LRP1B: variants seen among roughly 807,000 people sequenced by gnomAD.
LRP1B encodes the protein low-density lipoprotein receptor-related protein 1B.
LRP1B carries 217 observed loss-of-function variants against 556.6 expected under a neutral mutation model. The observed-to-expected ratio is 0.39, with a 90% confidence interval of 0.35 to 0.44. The LOEUF (loss-of-function observed/expected upper bound fraction) is 0.44. Ranked by LOEUF, LRP1B falls within the 20% of genes least tolerant of loss-of-function variation. The probability of loss-of-function intolerance (pLI) is 1.00; values close to 1 mark genes in which losing one functional copy is unlikely to be tolerated. For missense variants in LRP1B, 5,053 were observed against 5,620.8 expected, an observed-to-expected ratio of 0.90 and a Z score of 3.23; for synonymous variants, 2,047 against 1,865.8, an observed-to-expected ratio of 1.10 and a Z score of -2.50.
chr2:140,852,468 A>G (rs1692489502), intron 27 of LRP1B, among the ~76,000 whole-genome samples: 1 of 152,180 alleles, frequency 6.6e-6, no homozygotes, highest in African/African-American at 2.4e-5. Context: ...AGATGTTGTT[A>G]TTTTCTTAAC....
chr2:141,419,877 G>A (rs1236130859), intron 3 of LRP1B, among the ~76,000 whole-genome samples: 2 of 151,270 alleles, frequency 1.3e-5, no homozygotes, highest in Non-Finnish European at 2.9e-5. Flanking sequence ...CAGAAAACAT[G>A]CTTGTTATAA....
intron 2 of LRP1B, among the ~76,000 whole-genome samples, chr2:141,651,470 C>T (rs1689789914): frequency 6.6e-6 from 1 of 152,122 alleles, no homozygotes; most frequent in South Asian, 2.1e-4. Context: ...CCAAGATCAG[C>T]CTGGCCGACA....
intron 17 of LRP1B, among the ~76,000 whole-genome samples, chr2:140,984,228 G>T (rs1696854242): frequency 1.3e-5 from 2 of 151,944 alleles, no homozygotes; most frequent in Admixed American, 1.3e-4. Context: ...TCTTTTAAGA[G>T]AAATTTAATA....
At chr2:140,967,230 T>C (rs1006551949) in intron 18 of LRP1B, among the ~76,000 whole-genome samples, 1 of 152,092 alleles carries the variant, frequency 6.6e-6, no homozygotes, top group African/African-American at 2.4e-5. Context: ...GAACAGCGGT[T>C]TGTAGTTCTC....
intron 84 of LRP1B, among the ~76,000 whole-genome samples, chr2:140,287,727 C>T (rs1477136023): frequency 6.6e-6 from 1 of 150,666 alleles, no homozygotes; most frequent in African/African-American, 2.4e-5. Flanking sequence ...GCTTCCTATT[C>T]CCATGGTGCT....
At chr2:141,077,465 G>A (rs755625877) in intron 7 of LRP1B, among the ~76,000 whole-genome samples, 19 of 152,058 alleles carry the variant, frequency 1.2e-4, no homozygotes, top group Non-Finnish European at 2.4e-4. Context: ...CTAATATCAG[G>A]TTCTATGATA....
rs11352164 is a variant in LRP1B, at chr2:140,803,260, GTTT to G, written c.5359+10394_5359+10396del. 2.4e-4 allele frequency among the ~76,000 whole-genome samples: 25 copies of G among 102,242 alleles called. No individual in the cohort carries two copies. In the East Asian group the frequency reaches 3.7e-3, roughly 15 times the overall value. 67.1% of individuals were successfully genotyped at this position (102,242 alleles called of 152,430 possible). A position where few individuals can be genotyped will look rare whatever the true frequency, so the allele number is the denominator to read the frequency against. Reference sequence around the variant, plus strand: ...GTGGTCAGTATTAGTCCTATTGAAAGTTTTTTTTTTTTTTTTTTTTTTTTTTTT... The same window carrying G: ...GTGGTCAGTATTAGTCCTATTGAAAGTTTTTTTTTTTTTTTTTTTTTTTTT... On this transcript the variant is annotated intron_variant, in intron 32 of 90. Transcript: ENST00000389484.
At chr2:140,654,216 C>T (rs1684792313) in intron 41 of LRP1B, among the ~76,000 whole-genome samples, 1 of 151,836 alleles carries the variant, frequency 6.6e-6, no homozygotes, top group South Asian at 2.1e-4. Flanking sequence ...CTTTACCATG[C>T]TTTTCTGGAT....
intron 2 of LRP1B, among the ~76,000 whole-genome samples, chr2:141,498,282 C>T (rs983298801): frequency 4.0e-5 from 6 of 151,616 alleles, no homozygotes; most frequent in Admixed American, 2.6e-4. Context: ...CCTTCATCTA[C>T]AACACTCTAA....
chr2:141,009,489 T>G (rs780747037), intron 14 of LRP1B, among the ~76,000 whole-genome samples: 2 of 152,084 alleles, frequency 1.3e-5, no homozygotes, highest in South Asian at 4.1e-4. Context: ...TGTGTGTAAC[T>G]ATATTAAGAT....
Position 140,270,258 on chromosome 2 carries a change from T to A in LRP1B, c.13231A>T (p.Asn4411Tyr). Reference protein sequence around the residue: ...GGTCQLDPETNVPVCLCSTNW... With the variant: ...GGTCQLDPETYVPVCLCSTNW... ...AATACTCACAGACACACAGGTACAT[T>A]TGTCTCGGGGTCCAGCTGGCATGTG... The change falls in exon 86 of 91, where the codon AAT (asparagine) becomes TAT (tyrosine). Residue 4411 changes from asparagine to tyrosine, a missense_variant. Physicochemically the swap from Asn to Tyr is moderately radical, Grantham distance 143. Transcript: ENST00000389484. 1 of 1,611,498 alleles carries A rather than the reference T, an allele frequency of 6.2e-7. No homozygotes were observed. Among genetic ancestry groups the A allele is most frequent in the South Asian group, 1.1e-5 (1 of 90,990 alleles).
chr2:141,197,027 C>T (rs1391936154), intron 6 of LRP1B, among the ~76,000 whole-genome samples: 3 of 152,116 alleles, frequency 2.0e-5, no homozygotes, highest in East Asian at 1.9e-4. Flanking sequence ...TGCCTGCCAC[C>T]ATGTAAGACA....
chr2:140,594,382 G>A (rs1682351501), intron 43 of LRP1B, among the ~76,000 whole-genome samples: 2 of 152,152 alleles, frequency 1.3e-5, no homozygotes, highest in African/African-American at 4.8e-5. Flanking sequence ...CATATTAAAA[G>A]CTTTAAGATG....
chr2:141,352,182 A>G (rs1354585011), intron 3 of LRP1B, among the ~76,000 whole-genome samples: 1 of 151,970 alleles, frequency 6.6e-6, no homozygotes, highest in African/African-American at 2.4e-5. Context: ...ATTAGAGAGT[A>G]GACCTTTGAT....
chr2:140,733,042 G>A (rs1044122862), intron 35 of LRP1B, among the ~76,000 whole-genome samples: 5 of 152,046 alleles, frequency 3.3e-5, no homozygotes, highest in Non-Finnish European at 5.9e-5. Context: ...ATTTCCTCCT[G>A]TTATATTACC....
intron 3 of LRP1B, among the ~76,000 whole-genome samples, chr2:141,476,106 C>G (rs1016386505): frequency 2.6e-5 from 4 of 152,122 alleles, no homozygotes. Flanking sequence ...AAGTGCTGGC[C>G]CCAGCTCCTG....
intron 35 of LRP1B, among the ~76,000 whole-genome samples, chr2:140,748,123 ATATATATATAT>A (rs1688385142): frequency 5.0e-5 from 6 of 120,504 alleles, no homozygotes; most frequent in South Asian, 2.5e-4. Context: ...ATATATATAT[ATATATATATAT>A]ATAATTCATA....
At chr2:140,595,116 A>AG (rs1558992164) in intron 43 of LRP1B, among the ~76,000 whole-genome samples, 2 of 88,202 alleles carry the variant, frequency 2.3e-5, no homozygotes, top group Non-Finnish European at 4.5e-5. Context: ...ATATATATAT[A>AG]TATATATATA....
At chr2:140,501,955 T>G (rs1689216656) in intron 54 of LRP1B, 81 bp from the exon 55 acceptor site, 2 of 948,432 alleles carry the variant, frequency 2.1e-6, no homozygotes, top group African/African-American at 3.3e-5. Flanking sequence ...TTCACAAATA[T>G]CATTAACTCA....
Sources: gnomAD v4.1 joint callset for allele counts (sites outside exome capture counted in the v4.1 genomes callset) on GRCh38, gnomAD v4.1.1 for gene constraint, MANE v1.5 for transcripts, NCBI Gene and HGNC (gene_info 2026-07-23, HGNC 2026-07-21) for gene names.